The following TENM2 variants were observed in gnomAD, a reference collection of about 807,000 sequenced individuals.
The protein encoded by TENM2 is teneurin-2.
In TENM2, 52 loss-of-function variants were observed where a neutral mutation model predicts 245.2. The ratio of observed to expected loss-of-function variants is 0.21; its 90% CI spans 0.17 to 0.27. The LOEUF (loss-of-function observed/expected upper bound fraction) is 0.27. TENM2 is among the 10% of genes least tolerant of loss of function. The probability of loss-of-function intolerance (pLI) is 1.00; values close to 1 mark genes in which losing one functional copy is unlikely to be tolerated. For synonymous variants in TENM2, 1,363 were observed against 1,438.9 expected, an observed-to-expected ratio of 0.95 and a Z score of 1.19; for missense variants, 3,046 against 3,666.8, an observed-to-expected ratio of 0.83 and a Z score of 4.37.
chr5:167,593,803 A>G (rs1776031091), intron 2 of TENM2, among the ~76,000 whole-genome samples: 1 of 152,190 alleles, frequency 6.6e-6, no homozygotes. Context: ...ATAAACCACC[A>G]TTGTGGATCT....
the TENM2 span, among the ~76,000 whole-genome samples, chr5:167,151,928 C>T: frequency 2.0e-5 from 3 of 152,130 alleles, no homozygotes; most frequent in African/African-American, 4.8e-5. Flanking sequence ...AGCTCCAAGT[C>T]GAAAGGAAAG....
At chr5:168,042,442 C>T (rs1788272032) in intron 5 of TENM2, among the ~76,000 whole-genome samples, 1 of 152,130 alleles carries the variant, frequency 6.6e-6, no homozygotes, top group Non-Finnish European at 1.5e-5. Flanking sequence ...ACTCTCTTGT[C>T]AGGTTGATCC....
At chr5:167,799,182 C>A (rs1765526528) in intron 2 of TENM2, among the ~76,000 whole-genome samples, 1 of 152,200 alleles carries the variant, frequency 6.6e-6, no homozygotes, top group Non-Finnish European at 1.5e-5. Context: ...TCAGCTGTAT[C>A]TCCCAGCAGG....
intron 2 of TENM2, among the ~76,000 whole-genome samples, chr5:167,614,534 G>A (rs866296758): frequency 6.6e-6 from 1 of 152,030 alleles, no homozygotes; most frequent in African/African-American, 2.4e-5. Context: ...AAAGTAGTGT[G>A]GTCTGTTAAC....
chr5:168,150,725 A>G (rs1756572847), intron 12 of TENM2, among the ~76,000 whole-genome samples: 1 of 152,182 alleles, frequency 6.6e-6, no homozygotes, highest in South Asian at 2.1e-4. Context: ...CAAAGCAAGT[A>G]ATATGATATT....
intron 2 of TENM2, among the ~76,000 whole-genome samples, chr5:167,624,112 T>C (rs1371238772): frequency 1.3e-5 from 2 of 152,276 alleles, no homozygotes; most frequent in East Asian, 3.9e-4. Context: ...CCAATAAGAA[T>C]ACCTGCACTC....
At chr5:167,164,272 T>A in the TENM2 span, among the ~76,000 whole-genome samples, 7 of 152,290 alleles carry the variant, frequency 4.6e-5, no homozygotes, top group East Asian at 1.4e-3. Flanking sequence ...ACCTCTCAGA[T>A]CCTTAGTTTT....
At chr5:167,034,466 T>C in the TENM2 span, among the ~76,000 whole-genome samples, 5 of 151,504 alleles carry the variant, frequency 3.3e-5, no homozygotes, top group East Asian at 9.8e-4. Flanking sequence ...CCGTCTCTAC[T>C]AAAAATACAA....
chr5:167,307,299 A>G (rs1275173776), intron 1 of TENM2, among the ~76,000 whole-genome samples: 5 of 152,146 alleles, frequency 3.3e-5, no homozygotes, highest in Non-Finnish European at 7.4e-5. Context: ...TTGACTGTTT[A>G]TCTCTAATGT....
chr5:167,497,050 G>A (rs962706885), intron 2 of TENM2, among the ~76,000 whole-genome samples: 1 of 151,826 alleles, frequency 6.6e-6, no homozygotes, highest in African/African-American at 2.4e-5. Context: ...AAATGGTACT[G>A]GTTTATCCTG....
rs143545894 is a variant in TENM2, at chr5:168,036,151, T to C, written c.1187-11276T>C. ...ATTTCCATGGAGTTAGGATCCGGCA[T>C]GGGATCATAAGCCATAAGGAGGAGG... On this transcript the variant is annotated intron_variant, in intron 5 of 28. Coordinates refer to ENST00000518659, the Ensembl canonical transcript of TENM2. Among the ~76,000 whole-genome samples, 1,017 of 152,238 alleles carry C rather than the reference T, an allele frequency of 6.7e-3. 16 individuals are homozygous for C. Among genetic ancestry groups the C allele is most frequent in the Middle Eastern group, 0.034 (10 of 294 alleles).
chr5:167,552,997 G>A (rs1387097982), intron 2 of TENM2, among the ~76,000 whole-genome samples: 1 of 152,174 alleles, frequency 6.6e-6, no homozygotes, highest in African/African-American at 2.4e-5. Flanking sequence ...TTGTCTAGTA[G>A]AGAAGCAAGA....
chr5:167,797,871 G>T (rs1765431457), intron 2 of TENM2, among the ~76,000 whole-genome samples: 1 of 152,162 alleles, frequency 6.6e-6, no homozygotes, highest in South Asian at 2.1e-4. Context: ...ATCTTTTGAA[G>T]TAGTTTAAGG....
chr5:167,084,327 T>TTATTTATATATATATA, the TENM2 span, among the ~76,000 whole-genome samples: 2 of 23,180 alleles, frequency 8.6e-5, no homozygotes, highest in African/African-American at 1.8e-4. Context: ...GCCATTTTAG[T>TTATTTATATATATATA]TATATATATA....
At chr5:167,744,195 G>A (rs1357982589) in intron 2 of TENM2, among the ~76,000 whole-genome samples, 4 of 152,174 alleles carry the variant, frequency 2.6e-5, no homozygotes, top group Non-Finnish European at 5.9e-5. Flanking sequence ...GAGATTCTGA[G>A]TATACTTACT....
intron 6 of TENM2, among the ~76,000 whole-genome samples, chr5:168,054,151 A>T (rs1789344811): frequency 6.6e-6 from 1 of 152,184 alleles, no homozygotes; most frequent in Non-Finnish European, 1.5e-5. Flanking sequence ...ATTTCAAAAG[A>T]TGTAAAAGCC....
the TENM2 span, among the ~76,000 whole-genome samples, chr5:167,137,236 A>C: frequency 6.6e-6 from 1 of 152,114 alleles, no homozygotes; most frequent in African/African-American, 2.4e-5. Flanking sequence ...TGGGGAAGCA[A>C]TTCAGTCTCT....
At chr5:167,323,746 G>C (rs565972868) in intron 1 of TENM2, among the ~76,000 whole-genome samples, 1 of 152,226 alleles carries the variant, frequency 6.6e-6, no homozygotes, top group African/African-American at 2.4e-5. Context: ...TCAATGATTG[G>C]TTCTTATTCC....
chr5:168,188,742 G>T (rs1432896270), intron 13 of TENM2, among the ~76,000 whole-genome samples: 1 of 152,146 alleles, frequency 6.6e-6, no homozygotes, highest in Non-Finnish European at 1.5e-5. Flanking sequence ...AATCACCTGA[G>T]AATCATGTTT....
Sources: gnomAD v4.1 joint callset for allele counts (sites outside exome capture counted in the v4.1 genomes callset) on GRCh38, gnomAD v4.1.1 for gene constraint, MANE v1.5 for transcripts, NCBI Gene and HGNC (gene_info 2026-07-23, HGNC 2026-07-21) for gene names.